Variants in VWA3B observed in about 807,000 individuals in gnomAD.
VWA3B encodes von Willebrand factor A domain-containing protein 3B.
VWA3B carries 138 observed loss-of-function variants against 158.3 expected under a neutral mutation model. That is an observed-to-expected ratio of 0.87 (90% CI 0.76 to 1.00). The LOEUF is 1.00. Ranked by LOEUF, VWA3B falls within the 50% of genes least tolerant of loss-of-function variation. The pLI, the probability that VWA3B is intolerant of heterozygous loss-of-function variation, is 0.00. For synonymous variants in VWA3B, 596 were observed against 587.3 expected, an observed-to-expected ratio of 1.01 and a Z score of -0.21; for missense variants, 1,555 against 1,565.1, an observed-to-expected ratio of 0.99 and a Z score of 0.11.
At chr2:98,329,539 A>T in the VWA3B span, among the ~76,000 whole-genome samples, 1 of 152,276 alleles carries the variant, frequency 6.6e-6, no homozygotes, top group African/African-American at 2.4e-5. Context: ...TTAAAAGTGG[A>T]TCTATGACTG....
chr2:98,210,890 T>G (rs1558679075), intron 12 of VWA3B, among the ~76,000 whole-genome samples: 1 of 152,180 alleles, frequency 6.6e-6, no homozygotes, highest in Non-Finnish European at 1.5e-5. Context: ...TGACTCCAGA[T>G]GGCAGGTCCA....
intron 22 of VWA3B, among the ~76,000 whole-genome samples, chr2:98,281,688 A>G (rs1005953295): frequency 6.6e-6 from 1 of 152,174 alleles, no homozygotes; most frequent in Non-Finnish European, 1.5e-5. Context: ...AAATTAAGTC[A>G]CGAAATGAAA....
At chr2:98,233,332 C>T (rs1229685204) in intron 16 of VWA3B, among the ~76,000 whole-genome samples, 2 of 152,146 alleles carry the variant, frequency 1.3e-5, no homozygotes, top group Admixed American at 6.5e-5. Flanking sequence ...ATGTTTGATT[C>T]CACTGCTAGA....
intron 7 of VWA3B, among the ~76,000 whole-genome samples, chr2:98,138,227 T>C (rs1676440129): frequency 1.3e-5 from 2 of 152,256 alleles, no homozygotes; most frequent in African/African-American, 4.8e-5. Flanking sequence ...CTTCCTTCCA[T>C]GTAAACATTA....
chr2:98,227,676 A>G (rs553829199), intron 14 of VWA3B, among the ~76,000 whole-genome samples: 2 of 152,234 alleles, frequency 1.3e-5, no homozygotes, highest in African/African-American at 2.4e-5. Context: ...TTTGTATAAA[A>G]TTCTAGAAAA....
chr2:98,240,978 G>A (rs1405663918), intron 19 of VWA3B, among the ~76,000 whole-genome samples: 1 of 152,150 alleles, frequency 6.6e-6, no homozygotes, highest in Non-Finnish European at 1.5e-5. Flanking sequence ...AAACAGGAAA[G>A]CCAACATTCC....
chr2:98,239,972 T>G (rs2105753590), intron 19 of VWA3B, among the ~76,000 whole-genome samples: 1 of 151,718 alleles, frequency 6.6e-6, no homozygotes, highest in East Asian at 1.9e-4. Flanking sequence ...ATGATGTAAA[T>G]GTAATGGGAA....
chr2:98,121,839 AGTCT>A lies in VWA3B; in HGVS notation c.702+382_702+385del, dbSNP rs142512656. 9.1e-3 allele frequency: 1,706 copies of A among 187,818 alleles called. 47 individuals carry two copies. Among genetic ancestry groups the A allele is most frequent in the African/African-American group, 0.037 (1,616 of 43,750 alleles). 11.6% of individuals were successfully genotyped at this position (187,818 alleles called of 1,614,324 possible). The stretch of plus-strand genomic sequence containing the variant: ...TGCTCTCCTACCAATTAGATCAGTC[AGTCT>A]ATCTCTTATGAGGAGGAGAGAGAGA... On this transcript the variant is annotated intron_variant, in intron 5 of 27. Transcript: ENST00000477737.
intron 3 of VWA3B, among the ~76,000 whole-genome samples, chr2:98,116,610 G>A (rs983512816): frequency 2.6e-5 from 4 of 152,130 alleles, no homozygotes; most frequent in Admixed American, 1.3e-4. Context: ...GGGTCCGAGC[G>A]ATCCTCCCAC....
chr2:98,293,726 G>A (rs2105959290), intron 23 of VWA3B, among the ~76,000 whole-genome samples: 1 of 152,216 alleles, frequency 6.6e-6, no homozygotes, highest in East Asian at 1.9e-4. Flanking sequence ...TGTGGATTAA[G>A]AGTAAGAATA....
In VWA3B at chr2:98,267,070, C is replaced by G. The variant is rs939791335; in HGVS notation, c.2844-3612C>G. On this transcript the variant is annotated intron_variant, in intron 21 of 27. Coordinates refer to ENST00000477737, the MANE Select transcript of VWA3B (RefSeq NM_144992.5). ...TCCTACCTGATTGCCCTGGCCAGAA[C>G]TTCCAACACTATGTTGAATAGGAGT... Among the ~76,000 whole-genome samples, 5 of 151,980 alleles carry G rather than the reference C, an allele frequency of 3.3e-5. No homozygotes were observed. In the East Asian group the frequency reaches 5.8e-4, roughly 18 times the overall value.
intron 19 of VWA3B, among the ~76,000 whole-genome samples, chr2:98,239,857 T>C (rs987541193): frequency 5.3e-5 from 8 of 150,776 alleles, no homozygotes; most frequent in East Asian, 1.9e-4. Context: ...GAGGTTGCAG[T>C]GAGCTGAGAT....
chr2:98,207,370 A>G, intron 12 of VWA3B: 5 of 484,858 alleles, frequency 1.0e-5, no homozygotes, highest in Non-Finnish European at 2.1e-5. Context: ...CATGGATCCC[A>G]ACATTGTTGG....
At chr2:98,252,324 T>C (rs983726231) in intron 20 of VWA3B, among the ~76,000 whole-genome samples, 1 of 152,238 alleles carries the variant, frequency 6.6e-6, no homozygotes, top group African/African-American at 2.4e-5. Flanking sequence ...TCAAATTTTA[T>C]ATAATTCCAT....
At chr2:98,211,811 T>G in intron 12 of VWA3B, 119 bp from the exon 13 acceptor site, 1 of 788,524 alleles carries the variant, frequency 1.3e-6, no homozygotes, top group Non-Finnish European at 2.1e-6. Flanking sequence ...CTCAATGTAA[T>G]TATTTATCTT....
intron 25 of VWA3B, among the ~76,000 whole-genome samples, chr2:98,303,099 G>A (rs1223971709): frequency 6.6e-6 from 1 of 152,232 alleles, no homozygotes; most frequent in Non-Finnish European, 1.5e-5. Flanking sequence ...ACTGTGAAAG[G>A]GAGGGATGTT....
intron 12 of VWA3B, chr2:98,207,301 G>A: frequency 2.0e-6 from 1 of 490,006 alleles, no homozygotes; most frequent in Non-Finnish European, 4.1e-6. Context: ...GCTGCCCCAT[G>A]CTGTCACTGA....
intron 19 of VWA3B, among the ~76,000 whole-genome samples, chr2:98,249,544 G>T: frequency 6.6e-6 from 1 of 152,058 alleles, no homozygotes; most frequent in Non-Finnish European, 1.5e-5. Flanking sequence ...AAATTGAAAG[G>T]GTCCCCCCAA....
At chr2:98,248,125 A>G (rs895731616) in intron 19 of VWA3B, among the ~76,000 whole-genome samples, 1 of 151,684 alleles carries the variant, frequency 6.6e-6, no homozygotes, top group Admixed American at 6.6e-5. Context: ...TTTCCCATCC[A>G]TTTCTTCTTA....
Sources: allele counts gnomAD v4.1 joint callset (sites outside exome capture counted in the v4.1 genomes callset), GRCh38; gene constraint gnomAD v4.1.1; transcripts MANE v1.5; gene names NCBI Gene and HGNC (gene_info 2026-07-23, HGNC 2026-07-21).